Variants in AGMO observed in about 807,000 individuals in gnomAD.
AGMO encodes the protein alkylglycerol monooxygenase, also known as glyceryl-ether monooxygenase.
A neutral mutation model predicts 60.2 loss-of-function variants in AGMO; 75 were observed. The observed-to-expected ratio is 1.25, with a 90% CI of 1.03 to 1.51. AGMO has a LOEUF of 1.51. Among genes scored for constraint, AGMO ranks in the 40% most tolerant of loss-of-function variants. AGMO has a pLI of 0.00. For synonymous variants in AGMO, 261 were observed against 177.1 expected (o/e 1.47, Z -3.76); for missense variants, 763 against 525.5 (o/e 1.45, Z -4.42).
At chr7:15,323,881 T>C (rs1201339011) in intron 12 of AGMO, among the ~76,000 whole-genome samples, 1 of 152,230 alleles carries the variant, frequency 6.6e-6, no homozygotes, top group Non-Finnish European at 1.5e-5. Flanking sequence ...CAGCTTGTTT[T>C]AACTGCAAGC....
chr7:15,382,405 A>T (rs1034996078), intron 10 of AGMO, among the ~76,000 whole-genome samples: 2 of 152,166 alleles, frequency 1.3e-5, no homozygotes, highest in African/African-American at 4.8e-5. Flanking sequence ...TATACTTGGT[A>T]TAATTTACTC....
intron 12 of AGMO, among the ~76,000 whole-genome samples, chr7:15,350,703 A>C (rs1042635995): frequency 2.0e-5 from 3 of 152,176 alleles, no homozygotes; most frequent in African/African-American, 7.2e-5. Flanking sequence ...ACCTCAGAGA[A>C]AAGGAATGAA....
intron 12 of AGMO, among the ~76,000 whole-genome samples, chr7:15,218,318 G>GGTGTGTGTGTGTGT (rs1352965136): frequency 2.8e-5 from 3 of 108,152 alleles, no homozygotes; most frequent in African/African-American, 1.1e-4. Context: ...TATTGACTAT[G>GGTGTGTGTGTGTGT]GTGTGTGTAT....
At chr7:15,138,638 G>C in the AGMO span, among the ~76,000 whole-genome samples, 2 of 152,158 alleles carry the variant, frequency 1.3e-5, no homozygotes, top group East Asian at 1.9e-4. Context: ...ATTAAGCTGA[G>C]AGAAGCAGAA....
intron 3 of AGMO, among the ~76,000 whole-genome samples, chr7:15,473,125 C>T (rs551948660): frequency 2.1e-4 from 32 of 151,908 alleles, no homozygotes; most frequent in Admixed American, 7.9e-4. Context: ...AACACTTCTA[C>T]GCAAATAAAC....
chr7:15,194,946 A>G, the AGMO span, among the ~76,000 whole-genome samples: 8,465 of 152,130 alleles, frequency 0.056, 315 homozygotes, highest in African/African-American at 0.094. Context: ...TCAGAAGGGG[A>G]TGTGTTAGTT....
chr7:15,386,484 A>G (rs1783919063), intron 9 of AGMO, among the ~76,000 whole-genome samples: 1 of 152,218 alleles, frequency 6.6e-6, no homozygotes. Flanking sequence ...GAGTTGAAAT[A>G]TAAAAATTAT....
intron 12 of AGMO, among the ~76,000 whole-genome samples, chr7:15,214,092 G>A (rs1781669136): frequency 6.6e-6 from 1 of 151,828 alleles, no homozygotes. Context: ...TCTTCAATGA[G>A]ACATAAAGGA....
At chr7:15,156,769 A>T in the AGMO span, among the ~76,000 whole-genome samples, 1 of 152,026 alleles carries the variant, frequency 6.6e-6, no homozygotes, top group Admixed American at 6.6e-5. Flanking sequence ...CCTTCTTTCC[A>T]AAGATCTGTT....
chr7:15,525,548 T>G (rs76218601), intron 3 of AGMO, among the ~76,000 whole-genome samples: 1 of 152,136 alleles, frequency 6.6e-6, no homozygotes, highest in Non-Finnish European at 1.5e-5. Flanking sequence ...CGCTGAGATC[T>G]GTTTCATTGT....
intron 12 of AGMO, among the ~76,000 whole-genome samples, chr7:15,259,899 C>CAAAA (rs71549927): frequency 1.1e-4 from 1 of 9,400 alleles, no homozygotes; most frequent in Non-Finnish European, 1.7e-4. Flanking sequence ...ACAAGAACTG[C>CAAAA]AAAAAAAAAA....
At chr7:15,143,513 G>C in the AGMO span, among the ~76,000 whole-genome samples, 1 of 152,040 alleles carries the variant, frequency 6.6e-6, no homozygotes, top group Non-Finnish European at 1.5e-5. Flanking sequence ...TAAACTCAGA[G>C]GTACTTTAAC....
At chr7:15,318,065 G>C (rs1780994923) in intron 12 of AGMO, among the ~76,000 whole-genome samples, 1 of 149,692 alleles carries the variant, frequency 6.7e-6, no homozygotes, top group South Asian at 2.1e-4. Flanking sequence ...GTGTGCAGTA[G>C]TGCAATCTTG....
At chr7:15,533,179 A>G (rs1056320638) in intron 3 of AGMO, among the ~76,000 whole-genome samples, 2 of 152,088 alleles carry the variant, frequency 1.3e-5, no homozygotes, top group Admixed American at 6.6e-5. Flanking sequence ...CTTGGTACTT[A>G]AGATCTAAGT....
the AGMO span, among the ~76,000 whole-genome samples, chr7:15,127,933 C>G: frequency 5.3e-5 from 8 of 152,016 alleles, no homozygotes; most frequent in Admixed American, 2.0e-4. Context: ...TCACCCCTTT[C>G]TCCATTAGTG....
At chr7:15,281,283 TC>T (rs1343466535) in intron 12 of AGMO, among the ~76,000 whole-genome samples, 1 of 152,082 alleles carries the variant, frequency 6.6e-6, no homozygotes, top group East Asian at 1.9e-4. Flanking sequence ...GAGACTTCTT[TC>T]TCCCCTTGTC....
At chr7:15,430,588 ATTAGTTGTTTTTTT>A (rs1781200390) in intron 4 of AGMO, among the ~76,000 whole-genome samples, 1 of 110,120 alleles carries the variant, frequency 9.1e-6, no homozygotes, top group Non-Finnish European at 2.0e-5. Flanking sequence ...ATTTTAGAGA[ATTAGTTGTTTTTTT>A]TAAAAAAAAA....
At chr7:15,359,898 T>G (rs1275615094) in intron 12 of AGMO, among the ~76,000 whole-genome samples, 3 of 152,218 alleles carry the variant, frequency 2.0e-5, no homozygotes, top group African/African-American at 7.2e-5. Flanking sequence ...TCCAAAGACA[T>G]TTTTAATACT....
chr7:15,352,717 G>A (rs773345371), intron 12 of AGMO, among the ~76,000 whole-genome samples: 3 of 151,584 alleles, frequency 2.0e-5, no homozygotes, highest in Non-Finnish European at 2.9e-5. Context: ...CCACGTTGAC[G>A]GTCTGCCAAA....
Sources: allele counts gnomAD v4.1 joint callset (sites outside exome capture counted in the v4.1 genomes callset), GRCh38; gene constraint gnomAD v4.1.1; transcripts MANE v1.5; gene names NCBI Gene and HGNC (gene_info 2026-07-23, HGNC 2026-07-21).